The following TMCC1 variants were observed in gnomAD, a reference collection of about 807,000 sequenced individuals.
TMCC1 encodes transmembrane and coiled-coil domain family 1, also known as transmembrane and coiled-coil domains protein 1.
TMCC1 carries 15 observed loss-of-function variants against 52.4 expected under a neutral mutation model. The observed-to-expected ratio is 0.29, with a 90% CI of 0.19 to 0.44. TMCC1 has a LOEUF of 0.44. Among genes scored for constraint, TMCC1 ranks in the 20% least tolerant of loss-of-function variants. The pLI is 1.00. For missense variants in TMCC1, 503 were observed against 806.0 expected (o/e 0.62, Z 4.55); for synonymous variants, 279 against 301.9 (o/e 0.92, Z 0.79).
chr3:129,662,483 A>AAT (rs2087114895), intron 5 of TMCC1, among the ~76,000 whole-genome samples: 1 of 152,146 alleles, frequency 6.6e-6, no homozygotes, highest in African/African-American at 2.4e-5. Flanking sequence ...GCACACTAAA[A>AAT]ATATGGCATT....
intron 4 of TMCC1, among the ~76,000 whole-genome samples, chr3:129,708,653 G>A (rs2048421408): frequency 6.6e-6 from 1 of 152,184 alleles, no homozygotes; most frequent in Non-Finnish European, 1.5e-5. Flanking sequence ...TTTTAGCCCA[G>A]GAATTAATGA....
Position 129,683,686 on chromosome 3 carries a change from T to G in TMCC1, c.577-12422A>C, listed in dbSNP as rs372043533. Among the ~76,000 whole-genome samples the G allele has an allele frequency of 7.2e-5, 11 of 152,282 alleles. No homozygotes were observed. In the East Asian group the frequency reaches 1.3e-3, roughly 19 times the overall value. ...GCTTTTAGTATACCTATCACCTGAA[T>G]AGTGAACATTGTGCCCAATAGTTAA... On this transcript the variant is annotated intron_variant, in intron 4 of 6. Coordinates refer to ENST00000393238, the MANE Select transcript of TMCC1 (RefSeq NM_001017395.5).
intron 4 of TMCC1, among the ~76,000 whole-genome samples, chr3:129,786,412 G>A (rs2056039588): frequency 6.6e-6 from 1 of 152,126 alleles, no homozygotes; most frequent in East Asian, 1.9e-4. Flanking sequence ...CCAGACTGGT[G>A]AGGGGCTTTT....
At chr3:129,870,020 CCTTTA>C (rs1437741269) in intron 2 of TMCC1, among the ~76,000 whole-genome samples, 2 of 152,208 alleles carry the variant, frequency 1.3e-5, no homozygotes, top group African/African-American at 2.4e-5. Flanking sequence ...ATTACAGCAA[CCTTTA>C]CTTTTTATCA....
chr3:129,733,272 G>C (rs1460164376), intron 4 of TMCC1, among the ~76,000 whole-genome samples: 1 of 152,220 alleles, frequency 6.6e-6, no homozygotes, highest in Non-Finnish European at 1.5e-5. Flanking sequence ...AATCATTCAA[G>C]TGTGGTGTAC....
chr3:129,735,632 G>T (rs1028000197), intron 4 of TMCC1, among the ~76,000 whole-genome samples: 1 of 130,594 alleles, frequency 7.7e-6, no homozygotes, highest in Non-Finnish European at 1.6e-5. Context: ...CTGGGCGACA[G>T]AGCCAAGACT....
intron 4 of TMCC1, among the ~76,000 whole-genome samples, chr3:129,785,391 G>C (rs2055919812): frequency 6.6e-6 from 1 of 152,042 alleles, no homozygotes. Context: ...AGTCCCAAAG[G>C]TTGGGTGTTA....
intron 3 of TMCC1, among the ~76,000 whole-genome samples, chr3:129,831,532 G>A (rs553065386): frequency 6.6e-6 from 1 of 152,092 alleles, no homozygotes; most frequent in African/African-American, 2.4e-5. Context: ...ATTATAAAAC[G>A]TAATATGGTA....
chr3:129,784,618 T>C (rs149960507), intron 4 of TMCC1, among the ~76,000 whole-genome samples: 110 of 148,984 alleles, frequency 7.4e-4, no homozygotes, highest in African/African-American at 2.5e-3. Flanking sequence ...GATAAATACA[T>C]GGTGGGGGGT....
intron 4 of TMCC1, among the ~76,000 whole-genome samples, chr3:129,782,155 G>A (rs1371153047): frequency 6.6e-6 from 1 of 152,114 alleles, no homozygotes; most frequent in Non-Finnish European, 1.5e-5. Context: ...TAGGTCCAGA[G>A]TACAAGGGAA....
intron 4 of TMCC1, among the ~76,000 whole-genome samples, chr3:129,725,158 G>C (rs2049974141): frequency 6.6e-6 from 1 of 152,044 alleles, no homozygotes; most frequent in South Asian, 2.1e-4. Context: ...CTGCCATCCA[G>C]GCTGAAGTGC....
intron 4 of TMCC1, among the ~76,000 whole-genome samples, chr3:129,768,834 C>G (rs934436718): frequency 6.6e-6 from 1 of 152,098 alleles, no homozygotes; most frequent in South Asian, 2.1e-4. Context: ...CTATTTAATC[C>G]TTTTGAAAAC....
chr3:129,770,056 C>A (rs1443115623), intron 4 of TMCC1, among the ~76,000 whole-genome samples: 2 of 152,126 alleles, frequency 1.3e-5, no homozygotes, highest in Admixed American at 1.3e-4. Flanking sequence ...ATTTCTGAAG[C>A]AAAATTGAAC....
chr3:129,820,711 C>T (rs1025711143), intron 4 of TMCC1, among the ~76,000 whole-genome samples: 6 of 152,098 alleles, frequency 3.9e-5, no homozygotes, highest in African/African-American at 1.4e-4. Context: ...TTTCTTAGGA[C>T]AATGCTCCAG....
chr3:129,714,989 A>G (rs2048963365), intron 4 of TMCC1, among the ~76,000 whole-genome samples: 1 of 152,214 alleles, frequency 6.6e-6, no homozygotes, highest in Non-Finnish European at 1.5e-5. Flanking sequence ...TGGATGGCTC[A>G]GCAAACTGAT....
At chr3:129,868,284 C>G (rs1370678221) in intron 2 of TMCC1, among the ~76,000 whole-genome samples, 1 of 152,080 alleles carries the variant, frequency 6.6e-6, no homozygotes, top group African/African-American at 2.4e-5. Context: ...CATGACCCAA[C>G]AGTTTGGAAA....
At chr3:129,682,617 C>A (rs1211250657) in intron 4 of TMCC1, among the ~76,000 whole-genome samples, 1 of 152,164 alleles carries the variant, frequency 6.6e-6, no homozygotes, top group Non-Finnish European at 1.5e-5. Context: ...ATGACTCTCT[C>A]TGTCTCTAGG....
At chr3:129,679,085 C>T (rs943098089) in intron 4 of TMCC1, among the ~76,000 whole-genome samples, 3 of 152,192 alleles carry the variant, frequency 2.0e-5, no homozygotes, top group Non-Finnish European at 2.9e-5. Context: ...TCATCTCTTA[C>T]TAGTCATCCC....
chr3:129,768,902 G>A (rs2054329514), intron 4 of TMCC1, among the ~76,000 whole-genome samples: 1 of 152,146 alleles, frequency 6.6e-6, no homozygotes, highest in Non-Finnish European at 1.5e-5. Flanking sequence ...TGTCAACAAT[G>A]ACTAGGGTTA....
Sources: allele counts gnomAD v4.1 joint callset (sites outside exome capture counted in the v4.1 genomes callset), GRCh38; gene constraint gnomAD v4.1.1; transcripts MANE v1.5; gene names NCBI Gene and HGNC (gene_info 2026-07-23, HGNC 2026-07-21).